SPMIP2: variants seen among roughly 807,000 people sequenced by gnomAD.
SPMIP2 encodes sperm microtubule inner protein 2.
the SPMIP2 span, among the ~76,000 whole-genome samples, chr4:158,978,552 A>T: frequency 6.6e-6 from 1 of 152,140 alleles, no homozygotes; most frequent in East Asian, 1.9e-4. Context: ...AAGACTTTAC[A>T]TCTCTTTGTA....
chr4:158,964,678 G>T, the SPMIP2 span, among the ~76,000 whole-genome samples: 4 of 152,110 alleles, frequency 2.6e-5, no homozygotes, highest in Non-Finnish European at 4.4e-5. Flanking sequence ...GTATTAGTCC[G>T]TGTTCACACT....
the SPMIP2 span, among the ~76,000 whole-genome samples, chr4:158,921,024 T>C: frequency 1.3e-5 from 2 of 152,234 alleles, no homozygotes; most frequent in African/African-American, 4.8e-5. Context: ...TTCTCTTTAT[T>C]TCTTAGCCAG....
chr4:159,018,752 GAAGTC>G, the SPMIP2 span, among the ~76,000 whole-genome samples: 6 of 152,086 alleles, frequency 3.9e-5, no homozygotes, highest in African/African-American at 1.4e-4. Context: ...GGTTTATAAT[GAAGTC>G]AACAGGTGGT....
the SPMIP2 span, among the ~76,000 whole-genome samples, chr4:159,006,457 C>T: frequency 6.6e-6 from 1 of 152,122 alleles, no homozygotes; most frequent in Non-Finnish European, 1.5e-5. Context: ...TGAAACCTGC[C>T]CCCCAGCTTT....
chr4:158,893,345 A>T, the SPMIP2 span: 1 of 197,106 alleles, frequency 5.1e-6, no homozygotes, highest in Admixed American at 5.6e-5. Flanking sequence ...TAATTTCCTT[A>T]TCTGCAAAGC....
At chr4:159,037,781 TATATAC>T in the SPMIP2 span, among the ~76,000 whole-genome samples, 16,021 of 116,906 alleles carry the variant, frequency 0.14, 945 homozygotes, top group South Asian at 0.15. Flanking sequence ...TCAAAAACAA[TATATAC>T]ACACACACAC....
chr4:158,960,379 CA>C, the SPMIP2 span: 4 of 1,308,494 alleles, frequency 3.1e-6, no homozygotes, highest in Non-Finnish European at 4.3e-6. Context: ...ACCATAATTC[CA>C]AAGTAAAGAG....
At chr4:158,917,678 C>T in the SPMIP2 span, among the ~76,000 whole-genome samples, 5 of 149,760 alleles carry the variant, frequency 3.3e-5, no homozygotes, top group African/African-American at 1.2e-4. Context: ...ACTTTTTGTT[C>T]CTGTCATGAA....
At chr4:158,990,753 G>A in the SPMIP2 span, among the ~76,000 whole-genome samples, 3 of 152,280 alleles carry the variant, frequency 2.0e-5, no homozygotes, top group East Asian at 3.9e-4. Flanking sequence ...GGGGCTAGGA[G>A]AGGGATAGCA....
the SPMIP2 span, among the ~76,000 whole-genome samples, chr4:159,036,533 C>T: frequency 6.6e-6 from 1 of 152,226 alleles, no homozygotes; most frequent in Admixed American, 6.5e-5. Flanking sequence ...AGTCCTGCTT[C>T]CTCACCTTTC....
At chr4:159,012,158 A>T in the SPMIP2 span, among the ~76,000 whole-genome samples, 8 of 152,282 alleles carry the variant, frequency 5.3e-5, no homozygotes, top group South Asian at 1.7e-3. Flanking sequence ...TAGTTCCATG[A>T]CTTGGAAGGC....
chr4:159,037,111 T>G, the SPMIP2 span, among the ~76,000 whole-genome samples: 2 of 152,206 alleles, frequency 1.3e-5, no homozygotes, highest in East Asian at 3.8e-4. Context: ...GTTGGAGGAC[T>G]TCCCATTAAC....
At chr4:158,940,693 G>A in the SPMIP2 span, among the ~76,000 whole-genome samples, 3 of 151,688 alleles carry the variant, frequency 2.0e-5, no homozygotes, top group African/African-American at 7.3e-5. Flanking sequence ...TCAAAATAAT[G>A]AGTTGGTTTT....
the SPMIP2 span, among the ~76,000 whole-genome samples, chr4:158,981,413 C>T: frequency 1.7e-4 from 26 of 152,098 alleles, no homozygotes; most frequent in East Asian, 2.3e-3. Context: ...ATCAGAGTCA[C>T]CAAAGTTGAA....
At chr4:158,921,263 A>G in the SPMIP2 span, among the ~76,000 whole-genome samples, 1 of 151,930 alleles carries the variant, frequency 6.6e-6, no homozygotes, top group South Asian at 2.1e-4. Flanking sequence ...ATATGGTGAA[A>G]CCCCGTCTCT....
chr4:159,070,738 T>C, the SPMIP2 span, among the ~76,000 whole-genome samples: 7 of 152,236 alleles, frequency 4.6e-5, no homozygotes, highest in Admixed American at 4.6e-4. Context: ...AATGGAGACA[T>C]GCTTTTTATC....
chr4:159,067,926 G>A, the SPMIP2 span, among the ~76,000 whole-genome samples: 5 of 152,160 alleles, frequency 3.3e-5, no homozygotes, highest in Non-Finnish European at 7.3e-5. Context: ...ACCATCACTG[G>A]CCATCAGAGA....
At chr4:158,906,511 A>G in the SPMIP2 span, 1 of 152,160 alleles carries the variant, frequency 6.6e-6, no homozygotes, top group African/African-American at 2.4e-5. Context: ...CGTTGATTCT[A>G]AACTCTATAC....
chr4:158,967,718 A>G, the SPMIP2 span, among the ~76,000 whole-genome samples: 1 of 152,230 alleles, frequency 6.6e-6, no homozygotes, highest in African/African-American at 2.4e-5. Context: ...TTTGGGGATA[A>G]AAAATGCAGA....
Sources: gnomAD v4.1 joint callset for allele counts (sites outside exome capture counted in the v4.1 genomes callset) on GRCh38, gnomAD v4.1.1 for gene constraint, MANE v1.5 for transcripts, NCBI Gene and HGNC (gene_info 2026-07-23, HGNC 2026-07-21) for gene names.